Variants in LTBP2 observed in about 807,000 individuals in gnomAD.
The protein encoded by LTBP2 is latent-transforming growth factor beta-binding protein 2.
LTBP2 carries 103 observed loss-of-function variants against 210.6 expected under a neutral mutation model. That is an observed-to-expected ratio of 0.49 (90% confidence interval 0.42 to 0.58). The LOEUF (loss-of-function observed/expected upper bound fraction) is 0.58, where lower values mean the gene tolerates loss of function less well. Among genes scored for constraint, LTBP2 ranks in the 20% least tolerant of loss-of-function variants. LTBP2 has a pLI of 0.00. For missense variants in LTBP2, 2,313 were observed against 2,494.5 expected (o/e 0.93, Z 1.55); for synonymous variants, 1,007 against 1,015.0 (o/e 0.99, Z 0.15).
At position 74,603,634 on chromosome 14, in the gene LTBP2, C is replaced by T. The variant is rs774139166; in HGVS notation, c.565+1G>A. ...TGTCTGCTACTGGTGGAGGCACTCACGTTTGATACAGTGGTTGGTGCTGTT... is the reference window on the plus strand; with the variant it reads ...TGTCTGCTACTGGTGGAGGCACTCATGTTTGATACAGTGGTTGGTGCTGTT... On this transcript the variant is annotated splice_donor_variant, in intron 2 of 35. Coordinates refer to ENST00000261978, the MANE Select transcript of LTBP2 (RefSeq NM_000428.3). LOFTEE classifies it high-confidence loss of function. 2 of 1,614,196 alleles carry T rather than the reference C, an allele frequency of 1.2e-6. No individual in the cohort carries two copies. The highest frequency in any genetic ancestry group is 1.7e-6 in the Non-Finnish European group (2 of 1,180,026).
At chr14:74,595,263 G>A (rs890957275) in intron 2 of LTBP2, among the ~76,000 whole-genome samples, 4 of 152,202 alleles carry the variant, frequency 2.6e-5, no homozygotes, top group African/African-American at 9.6e-5. Context: ...GCCAGGTCAG[G>A]GCTGGGGAGC....
At position 74,585,999 on chromosome 14, in the gene LTBP2, G is replaced by T. The variant is rs776704761; in HGVS notation, c.685C>A (p.Pro229Thr). The change falls in exon 3 of 36, where the codon CCC (proline) becomes ACC (threonine). Residue 229 changes from proline to threonine, a missense_variant. Pro to Thr is a conservative substitution (Grantham distance 38). This residue lies in a region of LTBP2 where 1,867 missense variants were observed against 1,976.9 expected (regional missense o/e 0.94). Coordinates refer to ENST00000261978, the MANE Select transcript of LTBP2 (RefSeq NM_000428.3). ...CGAGGTGCCAGCCTGGAGTTCTGGG[G>T]GTCAAATTCCTCATCGGGAATGACC... ...EEVIPDEEFD[P>T]QNSRLAPRRW... 9.9e-6 allele frequency: 16 copies of T among 1,611,148 alleles called. No individual in the cohort carries two copies. The South Asian group carries it at 1.7e-4, about 17-fold the overall frequency.
At chr14:74,521,736 A>G (rs1197018470) in intron 17 of LTBP2, among the ~76,000 whole-genome samples, 175 bp downstream of exon 17, 7 of 152,230 alleles carry the variant, frequency 4.6e-5, no homozygotes, top group Non-Finnish European at 5.9e-5. Flanking sequence ...TGCCACTGGC[A>G]TAGAATCAGC....
At position 74,500,203 on chromosome 14, in the gene LTBP2, T is replaced by C. The variant is rs2086894401; in HGVS notation, c.*681A>G. 2 of 234,728 alleles carry C rather than the reference T, an allele frequency of 8.5e-6. No homozygotes were observed. The highest frequency in any genetic ancestry group is 1.7e-5 in the Non-Finnish European group (2 of 119,152). The allele number at this position is 234,728 out of a possible 1,614,324, so 14.5% of individuals were successfully genotyped here. ...CGTATTTTTCATCATGTCCTCTTGC[T>C]GCTTTCTCAGGCTCTTTGTTCTTCT... On this transcript the variant is annotated 3_prime_UTR_variant, in exon 36 of 36. Transcript: ENST00000261978.
At chr14:74,606,003 G>A (rs1169898477) in intron 1 of LTBP2, among the ~76,000 whole-genome samples, 1 of 151,466 alleles carries the variant, frequency 6.6e-6, no homozygotes, top group Non-Finnish European at 1.5e-5. Context: ...GGGAATTCTG[G>A]GAATTGTCAG....
At position 74,521,956 on chromosome 14, in the gene LTBP2, G is replaced by A; in HGVS notation, c.2743C>T (p.Pro915Ser). Residue 915 changes from proline (P) to serine (S), a missense_variant, in exon 17 of 36, where the codon CCT becomes TCT. By Grantham distance (74) the Pro-to-Ser change is moderately conservative (BLOSUM62 -1). Coordinates refer to ENST00000261978, the MANE Select transcript of LTBP2 (RefSeq NM_000428.3). Reference protein sequence around the residue: ...RVGSYSCFCYPGYTLATSGAT... With the variant: ...RVGSYSCFCYSGYTLATSGAT... ...CCTGAGGTGGCCAGAGTGTAGCCAG[G>A]GTAGCAGAAGCAGGAGTAGGACCCC... 6.2e-7 allele frequency: 1 copy of A among 1,614,206 alleles called. No individual in the cohort carries two copies. The highest frequency in any genetic ancestry group is 8.5e-7 in the Non-Finnish European group (1 of 1,180,028).
chr14:74,542,011 G>A (rs989502697), intron 8 of LTBP2, among the ~76,000 whole-genome samples: 2 of 152,172 alleles, frequency 1.3e-5, no homozygotes, highest in African/African-American at 2.4e-5. Context: ...TGACTCCCAC[G>A]GATGCTTCAA....
At chr14:74,598,608 A>T (rs187243441) in intron 2 of LTBP2, among the ~76,000 whole-genome samples, 1 of 152,304 alleles carries the variant, frequency 6.6e-6, no homozygotes, top group Admixed American at 6.5e-5. Flanking sequence ...CCTTGAGCTA[A>T]ACATCTGACC....
chr14:74,592,420 G>A lies in LTBP2; in HGVS notation c.566-6302C>T, dbSNP rs139561264. 6.7e-3 allele frequency among the ~76,000 whole-genome samples: 1,025 copies of A among 152,284 alleles called. 9 individuals carry two copies. The highest frequency in any genetic ancestry group is 0.024 in the African/African-American group (988 of 41,552). Reference sequence around the variant, plus strand: ...GCGGTGGCTCACGCCTGTAATCCCAGCACTTTAGGAGGCTGAGGCTGGAGG... The same window carrying A: ...GCGGTGGCTCACGCCTGTAATCCCAACACTTTAGGAGGCTGAGGCTGGAGG... On this transcript the variant is annotated intron_variant, in intron 2 of 35. Transcript: ENST00000261978.
chr14:74,602,626 G>A (rs1373057129), intron 2 of LTBP2, among the ~76,000 whole-genome samples: 1 of 152,214 alleles, frequency 6.6e-6, no homozygotes, highest in Admixed American at 6.5e-5. Flanking sequence ...TGTTTAAAGT[G>A]CACCCTGCAC....
chr14:74,517,736 G>A (rs1305692208), intron 17 of LTBP2, among the ~76,000 whole-genome samples: 2 of 152,264 alleles, frequency 1.3e-5, no homozygotes, highest in South Asian at 2.1e-4. Context: ...GAGGGATTGC[G>A]TTTTAGGTAA....
At chr14:74,597,677 C>A (rs1315722520) in intron 2 of LTBP2, among the ~76,000 whole-genome samples, 1 of 152,180 alleles carries the variant, frequency 6.6e-6, no homozygotes, top group Admixed American at 6.5e-5. Context: ...AGGAAGGGTA[C>A]CCCCATGCAG....
intron 8 of LTBP2, among the ~76,000 whole-genome samples, chr14:74,544,034 G>T (rs1022365522): frequency 2.6e-5 from 4 of 152,212 alleles, no homozygotes; most frequent in African/African-American, 4.8e-5. Context: ...ACCCCTGCTG[G>T]GTTGGGAGGG....
In LTBP2 at chr14:74,612,214, G is replaced by A. The variant is rs763328935; in HGVS notation, c.-270C>T. On this transcript the variant is annotated 5_prime_UTR_variant, in exon 1 of 36. Transcript: ENST00000261978. ...CCCTGTGCCTGCAGCCGTCTGAAGG[G>A]GACCCGGACGGTTTTATTTTTGGAA... The A allele has an allele frequency of 1.1e-5, 5 of 452,478 alleles. No homozygotes were observed. The highest frequency in any genetic ancestry group is 1.9e-5 in the Non-Finnish European group (5 of 258,664). 28.0% of individuals were successfully genotyped at this position (452,478 alleles called of 1,614,324 possible). A position where few individuals can be genotyped will look rare whatever the true frequency, so the allele number is the denominator to read the frequency against.
intron 3 of LTBP2, among the ~76,000 whole-genome samples, chr14:74,584,358 G>A (rs993431596): frequency 1.3e-5 from 2 of 152,058 alleles, no homozygotes; most frequent in Non-Finnish European, 2.9e-5. Context: ...CACCTACATG[G>A]GATCAGTGCA....
Position 74,535,991 on chromosome 14 carries a change from A to C in LTBP2, c.1799T>G (p.Val600Gly). ...APCPPRPASP[V>G]IENGQLECPQ... ...ACACTCCAGCTGGCCATTCTCAATCACCGGGGAGGCTGAAGAGTGGAGATA... is the reference window on the plus strand; with the variant it reads ...ACACTCCAGCTGGCCATTCTCAATCCCCGGGGAGGCTGAAGAGTGGAGATA... The change falls in exon 9 of 36, where the codon GTG becomes GGG. Residue 600 changes from valine (V) to glycine (G), a missense_variant. By Grantham distance (109) the Val-to-Gly change is moderately radical. Coordinates refer to ENST00000261978, the MANE Select transcript of LTBP2 (RefSeq NM_000428.3). The C allele has an allele frequency of 1.2e-6, 2 of 1,613,956 alleles. No individual in the cohort carries two copies. The highest frequency in any genetic ancestry group is 8.5e-7 in the Non-Finnish European group (1 of 1,179,932).
intron 18 of LTBP2, 139 bp downstream of exon 18, chr14:74,516,683 C>T: frequency 8.6e-7 from 1 of 1,161,432 alleles, no homozygotes; most frequent in Admixed American, 2.0e-5. Context: ...TCATAGGTGT[C>T]TCTGTCCATA....
At chr14:74,603,939 C>A (rs1056752153) in intron 1 of LTBP2, among the ~76,000 whole-genome samples, 8 of 152,050 alleles carry the variant, frequency 5.3e-5, no homozygotes, top group African/African-American at 1.9e-4. Flanking sequence ...ACAATAGCTG[C>A]TTAATTGAGT....
chr14:74,589,797 G>C (rs1472142852), intron 2 of LTBP2, among the ~76,000 whole-genome samples: 1 of 152,130 alleles, frequency 6.6e-6, no homozygotes, highest in Middle Eastern at 3.2e-3. Context: ...TTTTTTTAGG[G>C]AGGGAATAGA....
Sources: allele counts gnomAD v4.1 joint callset (sites outside exome capture counted in the v4.1 genomes callset), GRCh38; gene constraint gnomAD v4.1.1; regional missense constraint gnomAD v4.1.1; transcripts MANE v1.5; gene names NCBI Gene and HGNC (gene_info 2026-07-23, HGNC 2026-07-21).